PTPRG: variants seen among roughly 807,000 people sequenced by gnomAD.
PTPRG encodes the protein receptor-type tyrosine-protein phosphatase gamma.
A neutral mutation model predicts 165.3 loss-of-function variants in PTPRG; 102 were observed. The ratio of observed to expected loss-of-function variants is 0.62; its 90% confidence interval spans 0.53 to 0.73. The LOEUF (loss-of-function observed/expected upper bound fraction) is 0.73, where lower values mean the gene tolerates loss of function less well. Among genes scored for constraint, PTPRG ranks in the 30% least tolerant of loss-of-function variants. The probability of loss-of-function intolerance (pLI) is 0.00; values close to 1 mark genes in which losing one functional copy is unlikely to be tolerated. For missense variants in PTPRG, 1,866 were observed against 1,861.4 expected, an observed-to-expected ratio of 1.00 and a Z score of -0.05; for synonymous variants, 675 against 669.5, an observed-to-expected ratio of 1.01 and a Z score of -0.13.
chr3:61,992,154 A>G (rs1240204497), intron 3 of PTPRG, among the ~76,000 whole-genome samples: 1 of 152,216 alleles, frequency 6.6e-6, no homozygotes, highest in Admixed American at 6.5e-5. Context: ...ATAGGCCAAT[A>G]TATTGTAAAT....
chr3:62,175,886 C>G (rs957952386), intron 8 of PTPRG, among the ~76,000 whole-genome samples: 1 of 151,976 alleles, frequency 6.6e-6, no homozygotes, highest in Non-Finnish European at 1.5e-5. Context: ...TGGGATCCAA[C>G]CTAGAGCGAG....
At chr3:61,836,189 C>CT (rs2036456466) in intron 2 of PTPRG, among the ~76,000 whole-genome samples, 2 of 152,026 alleles carry the variant, frequency 1.3e-5, no homozygotes, top group South Asian at 4.1e-4. Context: ...ACTGGTAAGT[C>CT]TTTACCTTCC....
At chr3:62,065,764 G>C (rs923068184) in intron 4 of PTPRG, among the ~76,000 whole-genome samples, 1 of 152,138 alleles carries the variant, frequency 6.6e-6, no homozygotes, top group Non-Finnish European at 1.5e-5. Context: ...TTTGTAAGGG[G>C]ATCTCCACCA....
At chr3:61,567,049 C>T (rs1468581994) in intron 1 of PTPRG, among the ~76,000 whole-genome samples, 1 of 152,200 alleles carries the variant, frequency 6.6e-6, no homozygotes, top group Non-Finnish European at 1.5e-5. Flanking sequence ...CTCTAAAGCA[C>T]TTGGTGCCCA....
chr3:62,074,216 C>T (rs1040851928), intron 4 of PTPRG, among the ~76,000 whole-genome samples: 1 of 109,028 alleles, frequency 9.2e-6, no homozygotes, highest in African/African-American at 3.3e-5. Context: ...TGTGTGTATA[C>T]AGAGAGAGCG....
chr3:61,902,386 T>C (rs1369722136), intron 2 of PTPRG, among the ~76,000 whole-genome samples: 1 of 152,174 alleles, frequency 6.6e-6, no homozygotes, highest in East Asian at 1.9e-4. Flanking sequence ...CAGGTGCATG[T>C]AGGCCCAAGG....
chr3:62,287,717 T>G (rs936302133), intron 28 of PTPRG, among the ~76,000 whole-genome samples: 1 of 152,200 alleles, frequency 6.6e-6, no homozygotes, highest in Non-Finnish European at 1.5e-5. Flanking sequence ...CAGGATACAT[T>G]TGATCAGTAG....
intron 2 of PTPRG, among the ~76,000 whole-genome samples, chr3:61,909,403 G>A (rs1391111239): frequency 1.3e-5 from 2 of 152,154 alleles, no homozygotes; most frequent in Non-Finnish European, 1.5e-5. Context: ...AGGTTAGAGT[G>A]CAATGCTGTG....
intron 4 of PTPRG, among the ~76,000 whole-genome samples, chr3:62,012,577 C>T (rs1464513470): frequency 6.6e-6 from 1 of 152,080 alleles, no homozygotes; most frequent in Admixed American, 6.6e-5. Flanking sequence ...CCCTTAAATA[C>T]GTAGCCTGAA....
At chr3:62,060,820 T>C (rs1046399464) in intron 4 of PTPRG, among the ~76,000 whole-genome samples, 1 of 152,236 alleles carries the variant, frequency 6.6e-6, no homozygotes, top group Non-Finnish European at 1.5e-5. Context: ...ATAGATTGTT[T>C]AAGGTTTTCT....
chr3:61,897,963 T>C (rs2038404153), intron 2 of PTPRG, among the ~76,000 whole-genome samples: 1 of 152,202 alleles, frequency 6.6e-6, no homozygotes, highest in South Asian at 2.1e-4. Context: ...TTCCTTGGAA[T>C]TTTCCATATA....
intron 24 of PTPRG, chr3:62,276,326 A>T (rs1366286764): frequency 6.2e-6 from 1 of 160,422 alleles, no homozygotes; most frequent in Non-Finnish European, 1.4e-5. Context: ...ATAACATAAA[A>T]AATAATAATA....
intron 6 of PTPRG, among the ~76,000 whole-genome samples, chr3:62,145,453 A>C (rs1464563150): frequency 6.6e-6 from 1 of 152,234 alleles, no homozygotes; most frequent in Non-Finnish European, 1.5e-5. Context: ...AGTTCTGGGT[A>C]CTGCCACCAT....
intron 1 of PTPRG, among the ~76,000 whole-genome samples, chr3:61,659,831 A>T (rs1282167655): frequency 6.6e-6 from 1 of 152,242 alleles, no homozygotes; most frequent in East Asian, 1.9e-4. Context: ...TTTAAAAATA[A>T]ATTTAATTAG....
rs1553678350 is a variant in PTPRG at position 61,833,067 on chromosome 3, T to TTTTGTGTGTGTGTGTG, written c.190+84086_190+84087insTTGTGTGTGTGTGTGT. On this transcript the variant is annotated intron_variant, in intron 2 of 29. Coordinates refer to ENST00000474889, the MANE Select transcript of PTPRG (RefSeq NM_002841.4). Reference sequence around the variant, plus strand: ...CTTTTTATGTCTGAGTAGTATTCCATTGTGTGTGTGTGTGTGTGTGTGTGT... The same window carrying TTTTGTGTGTGTGTGTG: ...CTTTTTATGTCTGAGTAGTATTCCATTTTGTGTGTGTGTGTGTGTGTGTGTGTGTGTGTGTGTGTGT... Among the ~76,000 whole-genome samples the TTTTGTGTGTGTGTGTG allele has an allele frequency of 2.0e-5, 3 of 146,792 alleles. No individual in the cohort carries two copies. In the East Asian group the frequency reaches 6.0e-4, roughly 29 times the overall value.
intron 2 of PTPRG, among the ~76,000 whole-genome samples, chr3:61,923,037 T>A (rs1410772009): frequency 1.3e-5 from 2 of 152,210 alleles, no homozygotes; most frequent in Non-Finnish European, 2.9e-5. Context: ...CCCCACTAGG[T>A]ATTGTATCAT....
chr3:62,131,610 A>G (rs544268608), intron 5 of PTPRG, among the ~76,000 whole-genome samples: 208 of 152,316 alleles, frequency 1.4e-3, no homozygotes, highest in African/African-American at 4.8e-3. Context: ...AATACTATCA[A>G]TGGGGGATGG....
At chr3:61,975,544 A>C (rs2040483203) in intron 2 of PTPRG, among the ~76,000 whole-genome samples, 1 of 152,194 alleles carries the variant, frequency 6.6e-6, no homozygotes, top group Admixed American at 6.5e-5. Flanking sequence ...AGCATTTCGG[A>C]AACACTGTCT....
chr3:62,187,461 A>C (rs1247003726), intron 8 of PTPRG, among the ~76,000 whole-genome samples: 1 of 152,234 alleles, frequency 6.6e-6, no homozygotes, highest in Admixed American at 6.5e-5. Context: ...AAATCAAAAG[A>C]ATATTTTGCA....
Sources: allele counts gnomAD v4.1 joint callset (sites outside exome capture counted in the v4.1 genomes callset), GRCh38; gene constraint gnomAD v4.1.1; transcripts MANE v1.5; gene names NCBI Gene and HGNC (gene_info 2026-07-23, HGNC 2026-07-21).